FSTL5: variants seen among roughly 807,000 people sequenced by gnomAD.
FSTL5 encodes the protein follistatin like 5.
A neutral mutation model predicts 89.1 loss-of-function variants in FSTL5; 62 were observed. The observed-to-expected ratio is 0.70, with a 90% CI of 0.57 to 0.86. The LOEUF is 0.86. Ranked by LOEUF, FSTL5 falls within the 40% of genes least tolerant of loss-of-function variation. The probability of loss-of-function intolerance (pLI) is 0.00; values close to 1 mark genes in which losing one functional copy is unlikely to be tolerated. For synonymous variants in FSTL5, 383 were observed against 346.2 expected, an observed-to-expected ratio of 1.11 and a Z score of -1.18; for missense variants, 1,057 against 1,001.6, an observed-to-expected ratio of 1.06 and a Z score of -0.75.
intron 3 of FSTL5, among the ~76,000 whole-genome samples, chr4:162,027,494 A>C (rs1056326122): frequency 1.3e-5 from 2 of 152,060 alleles, no homozygotes; most frequent in African/African-American, 4.8e-5. Flanking sequence ...TGGCTTTCAG[A>C]ATTTGTACTC....
At chr4:161,535,041 C>T (rs777893539) in intron 10 of FSTL5, among the ~76,000 whole-genome samples, 12 of 152,042 alleles carry the variant, frequency 7.9e-5, no homozygotes, top group Admixed American at 6.6e-5. Flanking sequence ...GAAACTGTAC[C>T]GCTACCTCTT....
chr4:161,929,466 T>C (rs1226329457), intron 3 of FSTL5, among the ~76,000 whole-genome samples: 1 of 151,788 alleles, frequency 6.6e-6, no homozygotes, highest in Non-Finnish European at 1.5e-5. Context: ...CTTTGCCATA[T>C]AAACTTTAGA....
Position 161,548,659 on chromosome 4 carries a change from G to A in FSTL5, c.1016-5966C>T, listed in dbSNP as rs573606233. Among the ~76,000 whole-genome samples, 7 of 151,878 alleles carry A rather than the reference G, an allele frequency of 4.6e-5. No homozygotes were observed. In the South Asian group the frequency reaches 1.5e-3, roughly 31 times the overall value. Reference sequence around the variant, plus strand: ...TAGCCAGTTTACCACCAAAAATGCTGGGAGAGAAATCCTGCATTCATTCAG... The same window carrying A: ...TAGCCAGTTTACCACCAAAAATGCTAGGAGAGAAATCCTGCATTCATTCAG... On this transcript the variant is annotated intron_variant, in intron 8 of 15. Transcript: ENST00000306100.
At chr4:161,493,927 T>C (rs1276586324) in intron 12 of FSTL5, among the ~76,000 whole-genome samples, 1 of 152,152 alleles carries the variant, frequency 6.6e-6, no homozygotes, top group Non-Finnish European at 1.5e-5. Flanking sequence ...TTATAAGCTT[T>C]CCACTGTTGT....
At position 162,029,212 on chromosome 4, in the gene FSTL5, G is replaced by A. The variant is rs143323311; in HGVS notation, c.160+4413C>T. The stretch of plus-strand genomic sequence containing the variant: ...GCGTGTGTGTGTGTAGACTGCAGGC[G>A]CCATAATACATTTATTGTCCCAAAT... On this transcript the variant is annotated intron_variant, in intron 3 of 15. Transcript: ENST00000306100. Among the ~76,000 whole-genome samples, 577 of 151,382 alleles carry A rather than the reference G, an allele frequency of 3.8e-3. 4 individuals carry two copies. Among genetic ancestry groups the A allele is most frequent in the African/African-American group, 0.012 (511 of 41,262 alleles).
chr4:162,159,385 G>A (rs946568623), intron 1 of FSTL5, among the ~76,000 whole-genome samples: 2 of 151,862 alleles, frequency 1.3e-5, no homozygotes, highest in African/African-American at 4.8e-5. Context: ...CTTTTGCTTT[G>A]GAATTGTTAC....
At chr4:161,649,806 G>A (rs1736274790) in intron 7 of FSTL5, among the ~76,000 whole-genome samples, 1 of 152,124 alleles carries the variant, frequency 6.6e-6, no homozygotes, top group Non-Finnish European at 1.5e-5. Context: ...GGATATCCAG[G>A]AAGACTCTTT....
chr4:161,444,162 A>G (rs1302791503), intron 15 of FSTL5, among the ~76,000 whole-genome samples: 1 of 151,824 alleles, frequency 6.6e-6, no homozygotes, highest in Non-Finnish European at 1.5e-5. Context: ...ATAAATATGG[A>G]AAACAGGAAA....
chr4:161,729,498 A>G (rs1017443058), intron 6 of FSTL5, among the ~76,000 whole-genome samples: 4 of 152,160 alleles, frequency 2.6e-5, no homozygotes, highest in African/African-American at 9.7e-5. Context: ...TTCCTAGCCC[A>G]GCAGTCTTAA....
chr4:162,137,909 C>T (rs1450534523), intron 1 of FSTL5, among the ~76,000 whole-genome samples: 1 of 151,908 alleles, frequency 6.6e-6, no homozygotes, highest in Non-Finnish European at 1.5e-5. Flanking sequence ...ATAAAAAGTA[C>T]ATTTAGGGGT....
intron 3 of FSTL5, among the ~76,000 whole-genome samples, chr4:161,967,105 A>G (rs1338231850): frequency 6.6e-6 from 1 of 152,054 alleles, no homozygotes; most frequent in Non-Finnish European, 1.5e-5. Context: ...GTTTCATAAA[A>G]ATAAAATTTT....
intron 6 of FSTL5, among the ~76,000 whole-genome samples, chr4:161,701,119 G>C (rs1339644022): frequency 6.6e-6 from 1 of 151,954 alleles, no homozygotes; most frequent in African/African-American, 2.4e-5. Context: ...TATTCTTTTT[G>C]TCCCTTTGGA....
chr4:161,449,739 T>A (rs1376037071), intron 15 of FSTL5, among the ~76,000 whole-genome samples: 9 of 152,208 alleles, frequency 5.9e-5, no homozygotes, highest in Non-Finnish European at 1.0e-4. Flanking sequence ...TACATCTTTT[T>A]TTTTTCATCA....
intron 15 of FSTL5, among the ~76,000 whole-genome samples, chr4:161,399,036 A>G (rs949102754): frequency 6.6e-6 from 1 of 152,164 alleles, no homozygotes; most frequent in Admixed American, 6.5e-5. Flanking sequence ...AATAAATTAT[A>G]TAAACATAGC....
At chr4:161,614,825 T>C (rs529942482) in intron 7 of FSTL5, among the ~76,000 whole-genome samples, 5 of 152,308 alleles carry the variant, frequency 3.3e-5, no homozygotes, top group African/African-American at 1.2e-4. Flanking sequence ...GGATTAAGTA[T>C]TCACAATTAA....
intron 3 of FSTL5, among the ~76,000 whole-genome samples, chr4:161,952,720 T>C (rs1734931257): frequency 6.6e-6 from 1 of 151,908 alleles, no homozygotes; most frequent in African/African-American, 2.4e-5. Context: ...AGCATGGTGC[T>C]AGACTGGAGA....
chr4:161,751,780 C>CA (rs1284879266), intron 6 of FSTL5, among the ~76,000 whole-genome samples: 27 of 109,746 alleles, frequency 2.5e-4, no homozygotes, highest in Admixed American at 9.5e-4. Flanking sequence ...GAACTTGTCT[C>CA]AAAAAAAAAG....
At chr4:162,079,489 T>G (rs1164656764) in intron 2 of FSTL5, among the ~76,000 whole-genome samples, 1 of 151,622 alleles carries the variant, frequency 6.6e-6, no homozygotes, top group Non-Finnish European at 1.5e-5. Flanking sequence ...TTATAGACTT[T>G]TCTGTATGTC....
At chr4:161,767,180 G>C (rs1422910142) in intron 5 of FSTL5, among the ~76,000 whole-genome samples, 1 of 151,988 alleles carries the variant, frequency 6.6e-6, no homozygotes, top group East Asian at 1.9e-4. Flanking sequence ...CTACATGTTG[G>C]CCTGTCAAAA....
Sources: allele counts gnomAD v4.1 joint callset (sites outside exome capture counted in the v4.1 genomes callset), GRCh38; gene constraint gnomAD v4.1.1; transcripts MANE v1.5; gene names NCBI Gene and HGNC (gene_info 2026-07-23, HGNC 2026-07-21).